IMPG2: variants seen among roughly 807,000 people sequenced by gnomAD.
The protein encoded by IMPG2 is IPM 200.
A neutral mutation model predicts 129.2 loss-of-function variants in IMPG2; 91 were observed. That is an observed-to-expected ratio of 0.70 (90% CI 0.59 to 0.84). IMPG2 has a LOEUF of 0.84. Among genes scored for constraint, IMPG2 ranks in the 40% least tolerant of loss-of-function variants. The probability of loss-of-function intolerance (pLI) is 0.00; values close to 1 mark genes in which losing one functional copy is unlikely to be tolerated. For missense variants in IMPG2, 1,430 were observed against 1,461.7 expected (o/e 0.98, Z 0.35); for synonymous variants, 510 against 517.7 (o/e 0.99, Z 0.20).
chr3:101,268,620 C>CAT (rs10631743), intron 8 of IMPG2, among the ~76,000 whole-genome samples: 125,173 of 149,730 alleles, frequency 0.84, 52,960 homozygotes, highest in East Asian at 0.97. Flanking sequence ...TGTAAATATA[C>CAT]ATATATATAT....
At chr3:101,285,812 G>A (rs781012470) in intron 4 of IMPG2, among the ~76,000 whole-genome samples, 2 of 151,934 alleles carry the variant, frequency 1.3e-5, no homozygotes, top group Admixed American at 6.6e-5. Flanking sequence ...GTAGATTTAC[G>A]GGGTACAAGT....
chr3:101,309,488 CA>C (rs1453913359), intron 2 of IMPG2, among the ~76,000 whole-genome samples: 1 of 152,130 alleles, frequency 6.6e-6, no homozygotes, highest in African/African-American at 2.4e-5. Context: ...CTCTCAAGTT[CA>C]AAATTCCACA....
chr3:101,294,912 T>G (rs1032586615), intron 3 of IMPG2, among the ~76,000 whole-genome samples: 1 of 152,224 alleles, frequency 6.6e-6, no homozygotes, highest in African/African-American at 2.4e-5. Flanking sequence ...TGCTGTTATA[T>G]CCTATGCCCA....
intron 18 of IMPG2, chr3:101,227,916 G>C: frequency 2.2e-6 from 1 of 448,062 alleles, no homozygotes; most frequent in Non-Finnish European, 4.5e-6. Flanking sequence ...TCAGGGCCAT[G>C]GGTGTTATTG....
At chr3:101,316,095 G>A (rs2058782723) in intron 2 of IMPG2, among the ~76,000 whole-genome samples, 1 of 151,928 alleles carries the variant, frequency 6.6e-6, no homozygotes, top group Admixed American at 6.6e-5. Flanking sequence ...TGATCCATAT[G>A]TCATAATCAA....
chr3:101,236,400 G>A (rs1020974096), intron 14 of IMPG2, among the ~76,000 whole-genome samples: 1 of 152,302 alleles, frequency 6.6e-6, no homozygotes, highest in East Asian at 1.9e-4. Context: ...GAAGTAAGGT[G>A]GTGGCTGCCA....
chr3:101,279,717 T>C (rs774791573), intron 4 of IMPG2, among the ~76,000 whole-genome samples: 2 of 152,294 alleles, frequency 1.3e-5, no homozygotes, highest in Non-Finnish European at 2.9e-5. Context: ...TCAAATCAAA[T>C]TTACGCTAAT....
chr3:101,300,307 C>G (rs768725425), intron 3 of IMPG2, among the ~76,000 whole-genome samples: 2 of 152,372 alleles, frequency 1.3e-5, no homozygotes, highest in African/African-American at 4.8e-5. Context: ...ACCCTTCCCC[C>G]ACCCTGGGAG....
In IMPG2 at chr3:101,318,119, G is replaced by C. The variant is rs1443823319; in HGVS notation, c.334+1465C>G. Among the ~76,000 whole-genome samples, 4 of 149,772 alleles carry C rather than the reference G, an allele frequency of 2.7e-5. No individual in the cohort carries two copies. The Admixed American group carries it at 2.7e-4, about 10-fold the overall frequency. ...CCACTGCACTCCAGCCTGGGCGACAGAATGTGAGTATGTCCCAAAAAATAG... is the reference window on the plus strand; with the variant it reads ...CCACTGCACTCCAGCCTGGGCGACACAATGTGAGTATGTCCCAAAAAATAG... On this transcript the variant is annotated intron_variant, in intron 2 of 18. Transcript: ENST00000193391.
intron 10 of IMPG2, among the ~76,000 whole-genome samples, chr3:101,254,291 T>C (rs1706575983): frequency 6.6e-6 from 1 of 152,128 alleles, no homozygotes; most frequent in Admixed American, 6.6e-5. Flanking sequence ...TTATATCATT[T>C]ATTTCAACAA....
rs756919463 is a variant in IMPG2, at chr3:101,267,472, C to T, written c.908+39G>A. 25 of 1,579,790 alleles carry T rather than the reference C, an allele frequency of 1.6e-5. No homozygotes were observed. In the African/African-American group the frequency reaches 2.6e-4, roughly 16 times the overall value. ...GCCTGCTATATTTACTAAACTGTCT[C>T]CCAATTCAATGGACATTAGAGAAAG... On this transcript the variant is annotated intron_variant, in intron 9 of 18. Coordinates refer to ENST00000193391, the MANE Select transcript of IMPG2 (RefSeq NM_016247.4).
intron 5 of IMPG2, among the ~76,000 whole-genome samples, chr3:101,276,009 A>G (rs1371191512): frequency 6.6e-6 from 1 of 152,172 alleles, no homozygotes; most frequent in African/African-American, 2.4e-5. Context: ...CACAAAGACA[A>G]TATTCCTCTA....
chr3:101,236,078 G>A (rs1417550592), intron 14 of IMPG2, among the ~76,000 whole-genome samples: 3 of 152,190 alleles, frequency 2.0e-5, no homozygotes, highest in Admixed American at 6.5e-5. Flanking sequence ...AGAATCAACT[G>A]CCTTATGTTG....
rs1232910350 is a variant in IMPG2, at chr3:101,244,256, T to C, written c.2075A>G (p.Asp692Gly). 2.5e-6 allele frequency: 4 copies of C among 1,614,022 alleles called. No individual in the cohort carries two copies. Among genetic ancestry groups the C allele is most frequent in the African/African-American group, 1.3e-5 (1 of 75,044 alleles). ...TAGAGACGCAGATTCAGCTGCAGTA[T>C]CTGCGAAGATGGGCACAGCAGGCCC... ...LSGPAVPIFADTAAESASLTL... is the reference protein window; with the variant it reads ...LSGPAVPIFAGTAAESASLTL... Residue 692 changes from aspartate (D) to glycine (G), a missense_variant, in exon 13 of 19, where the codon GAT becomes GGT. Asp to Gly is a moderately conservative substitution (Grantham distance 94). Coordinates refer to ENST00000193391, the MANE Select transcript of IMPG2 (RefSeq NM_016247.4).
At chr3:101,257,195 T>C (rs1043860580) in intron 10 of IMPG2, among the ~76,000 whole-genome samples, 14 of 152,126 alleles carry the variant, frequency 9.2e-5, no homozygotes, top group African/African-American at 3.4e-4. Context: ...AGAGAGGTCA[T>C]GTCTCGGTTG....
At chr3:101,269,609 A>G (rs1559649596) in intron 7 of IMPG2, 36 bp from the exon 8 acceptor site, 2 of 1,088,646 alleles carry the variant, frequency 1.8e-6, no homozygotes, top group Non-Finnish European at 1.4e-6. Flanking sequence ...TAACTATGTA[A>G]AAATATGGAA....
chr3:101,297,945 G>A (rs1205283126), intron 3 of IMPG2, among the ~76,000 whole-genome samples: 9 of 152,218 alleles, frequency 5.9e-5, no homozygotes. Context: ...TTCAAGTTCT[G>A]AATATCCTTG....
intron 9 of IMPG2, among the ~76,000 whole-genome samples, chr3:101,261,695 T>C (rs1350911234): frequency 6.6e-6 from 1 of 152,144 alleles, no homozygotes; most frequent in Non-Finnish European, 1.5e-5. Flanking sequence ...GAAAACCATC[T>C]ATTTTGAGTG....
intron 4 of IMPG2, among the ~76,000 whole-genome samples, chr3:101,280,475 C>A (rs1177094056): frequency 6.6e-6 from 1 of 152,128 alleles, no homozygotes; most frequent in African/African-American, 2.4e-5. Context: ...AAAACTTACC[C>A]TTTAAAACAA....
Sources: allele counts gnomAD v4.1 joint callset (sites outside exome capture counted in the v4.1 genomes callset), GRCh38; gene constraint gnomAD v4.1.1; transcripts MANE v1.5; gene names NCBI Gene and HGNC (gene_info 2026-07-23, HGNC 2026-07-21).